ZNF585A: variants seen among roughly 807,000 people sequenced by gnomAD.
ZNF585A encodes the protein zinc finger protein 585A.
ZNF585A carries 9 observed loss-of-function variants against 14.9 expected under a neutral mutation model. The ratio of observed to expected loss-of-function variants is 0.60; its 90% confidence interval spans 0.36 to 1.05. The LOEUF is 1.05. Among genes scored for constraint, ZNF585A ranks in the 50% least tolerant of loss-of-function variants. ZNF585A has a pLI of 0.01. For missense variants in ZNF585A, 726 were observed against 926.4 expected, an observed-to-expected ratio of 0.78 and a Z score of 2.81; for synonymous variants, 276 against 319.9, an observed-to-expected ratio of 0.86 and a Z score of 1.46.
At chr19:37,160,772 T>C (rs1191447209) in intron 2 of ZNF585A, among the ~76,000 whole-genome samples, 6 of 152,200 alleles carry the variant, frequency 3.9e-5, no homozygotes, top group African/African-American at 9.7e-5. Flanking sequence ...AACCATCTTA[T>C]GACCATTAAA....
In ZNF585A at chr19:37,145,854, G is replaced by A. The variant is rs1192241296; in HGVS notation, c.*5735C>T. ...CAGAGGATTTCTTAGCATCAGAATT[G>A]ATATGTTGTTATTTATGATATCTTA... is the stretch of plus-strand genomic sequence containing the variant. On this transcript the variant is annotated 3_prime_UTR_variant, in exon 5 of 5. Coordinates refer to ENST00000292841, the MANE Select transcript of ZNF585A (RefSeq NM_001288800.2). 2 of 152,130 alleles carry A rather than the reference G, an allele frequency of 1.3e-5. No homozygotes were observed. Among genetic ancestry groups the A allele is most frequent in the African/African-American group, 4.8e-5 (2 of 41,428 alleles). The allele number at this position is 152,130 out of a possible 1,614,324, so 9.4% of individuals were successfully genotyped here.
intron 2 of ZNF585A, among the ~76,000 whole-genome samples, chr19:37,159,287 A>ACTG (rs977421460): frequency 6.6e-6 from 1 of 151,494 alleles, no homozygotes; most frequent in Non-Finnish European, 1.5e-5. Context: ...GTTGATGACG[A>ACTG]CTGAAACTGG....
intron 1 of ZNF585A, 122 bp from the exon 2 acceptor site, chr19:37,170,176 A>G: frequency 2.6e-6 from 1 of 379,586 alleles, no homozygotes; most frequent in Non-Finnish European, 4.8e-6. Flanking sequence ...ATGGGTATGC[A>G]TTCAAGTTAC....
chr19:37,163,857 C>T (rs986305490), intron 2 of ZNF585A, among the ~76,000 whole-genome samples: 4 of 151,628 alleles, frequency 2.6e-5, no homozygotes, highest in Admixed American at 1.3e-4. Context: ...TATAAAATAG[C>T]CACATCAGAA....
Position 37,152,573 on chromosome 19 carries a change from GTGAC to G in ZNF585A, c.1322_1325del (p.Gly441AlafsTer68). The stretch of plus-strand genomic sequence containing the variant: ...ACTTGGAGGTAAACAATTTCCCACA[GTGAC>G]CACATTTATGAGGTTTCTCTCCAGT... On this transcript the variant is annotated frameshift_variant, in exon 5 of 5. Coordinates refer to ENST00000292841, the MANE Select transcript of ZNF585A (RefSeq NM_001288800.2). LOFTEE classifies it low-confidence loss of function (END_TRUNC). 6.2e-7 allele frequency: 1 copy of G among 1,614,144 alleles called. No individual in the cohort carries two copies. Among genetic ancestry groups the G allele is most frequent in the Non-Finnish European group, 8.5e-7 (1 of 1,180,010 alleles).
chr19:37,160,059 A>G (rs1313251747), intron 2 of ZNF585A, among the ~76,000 whole-genome samples: 1 of 152,138 alleles, frequency 6.6e-6, no homozygotes, highest in Non-Finnish European at 1.5e-5. Flanking sequence ...GAGGCCAGAC[A>G]TGGTGGCTCA....
In ZNF585A at chr19:37,153,577, T is replaced by G. The variant is rs147104618; in HGVS notation, c.322A>C (p.Arg108=). The change falls in exon 5 of 5, where the codon AGA becomes CGA. Residue 108 remains arginine, a synonymous_variant. Transcript: ENST00000292841. ...GEKLWDHNQC[R]KILSYKQVSS... ...ACTTGTTTATAACTGAGGATTTTTC[T>G]ACATTGATTATGGTCCCATAATTTC... The G allele has an allele frequency of 1.6e-5, 26 of 1,613,316 alleles. No homozygotes were observed. In the Middle Eastern group the frequency reaches 8.3e-4, roughly 51 times the overall value.
chr19:37,149,754 G>T lies in ZNF585A; in HGVS notation c.*1835C>A. The T allele has an allele frequency of 6.6e-6, 1 of 152,360 alleles. No individual in the cohort carries two copies. Among genetic ancestry groups the T allele is most frequent in the Non-Finnish European group, 1.5e-5 (1 of 68,126 alleles). 9.4% of individuals were successfully genotyped at this position (152,360 alleles called of 1,614,324 possible). A position where few individuals can be genotyped will look rare whatever the true frequency, so the allele number is the denominator to read the frequency against. On this transcript the variant is annotated 3_prime_UTR_variant, in exon 5 of 5. Transcript: ENST00000292841. The stretch of plus-strand genomic sequence containing the variant: ...CAGGAAGCCCAGCTTGTGGTCTCCT[G>T]AGATCTCCAGATCATCCCTGGCCCA...
rs1367274055 is a variant in ZNF585A, at chr19:37,152,903, C to G, written c.996G>C (p.Gly332=). Residue 332 remains glycine (G), a synonymous_variant, in exon 5 of 5, where the codon GGG becomes GGC. Coordinates refer to ENST00000292841, the MANE Select transcript of ZNF585A (RefSeq NM_001288800.2). ...GGTTGGAATTATTGCTGAAGACCTT[C>G]CCATATTCGGTACATATATAGGGCT... ...RVKPYICTEY[G]KVFSNNSNLV... is the part of the protein sequence containing the mutation. The G allele has an allele frequency of 1.9e-6, 3 of 1,614,178 alleles. No homozygotes were observed. The highest frequency in any genetic ancestry group is 2.2e-5 in the East Asian group (1 of 44,874).
At chr19:37,161,497 C>T (rs1262083071) in intron 2 of ZNF585A, among the ~76,000 whole-genome samples, 2 of 152,120 alleles carry the variant, frequency 1.3e-5, no homozygotes, top group Admixed American at 1.3e-4. Context: ...TGTAGTTGAG[C>T]CTGAACAACA....
intron 4 of ZNF585A, among the ~76,000 whole-genome samples, chr19:37,154,805 A>AT (rs1971897749): frequency 1.3e-5 from 2 of 151,516 alleles, no homozygotes; most frequent in Admixed American, 6.6e-5. Flanking sequence ...AAAAAAAAAA[A>AT]AAGAAAGAAA....
intron 2 of ZNF585A, among the ~76,000 whole-genome samples, chr19:37,169,495 A>G (rs1295422268): frequency 1.3e-5 from 2 of 152,188 alleles, no homozygotes; most frequent in African/African-American, 4.8e-5. Flanking sequence ...GTTTAGGAAG[A>G]AACAAGAGAA....
intron 2 of ZNF585A, among the ~76,000 whole-genome samples, chr19:37,159,495 G>A (rs1332198746): frequency 1.3e-5 from 2 of 152,178 alleles, no homozygotes; most frequent in Non-Finnish European, 2.9e-5. Flanking sequence ...AAGTATGCTA[G>A]GGACTTGAAT....
intron 2 of ZNF585A, among the ~76,000 whole-genome samples, chr19:37,166,551 A>G (rs1972094005): frequency 6.6e-6 from 1 of 151,622 alleles, no homozygotes; most frequent in South Asian, 2.1e-4. Flanking sequence ...TGACCTCGTG[A>G]TCCACCCATC....
chr19:37,163,445 TA>T (rs367729509), intron 2 of ZNF585A, among the ~76,000 whole-genome samples: 127 of 117,164 alleles, frequency 1.1e-3, no homozygotes, highest in Non-Finnish European at 1.3e-3. Context: ...AGTAAAAAAG[TA>T]AAAAAAAAAA....
At chr19:37,162,491 T>C (rs1972026695) in intron 2 of ZNF585A, among the ~76,000 whole-genome samples, 1 of 152,184 alleles carries the variant, frequency 6.6e-6, no homozygotes, top group Non-Finnish European at 1.5e-5. Flanking sequence ...CCCAAAGGAA[T>C]ATAAATCATT....
intron 3 of ZNF585A, 97 bp downstream of exon 3, chr19:37,156,132 A>C: frequency 6.4e-7 from 1 of 1,566,998 alleles, no homozygotes; most frequent in South Asian, 1.2e-5. Flanking sequence ...CAAGAACAAA[A>C]TCATCACCTA....
At chr19:37,159,261 A>AAAG (rs1425940128) in intron 2 of ZNF585A, among the ~76,000 whole-genome samples, 2 of 151,788 alleles carry the variant, frequency 1.3e-5, no homozygotes, top group Non-Finnish European at 2.9e-5. Flanking sequence ...AAAAAAAAAA[A>AAAG]AAAAAAAGGC....
At chr19:37,156,460 C>T (rs1269117015) in intron 2 of ZNF585A, 105 bp from the exon 3 acceptor site, 2 of 1,397,776 alleles carry the variant, frequency 1.4e-6, no homozygotes, top group Non-Finnish European at 1.9e-6. Flanking sequence ...AATTTACATT[C>T]TCTTTTTAAA....
Sources: allele counts gnomAD v4.1 joint callset (sites outside exome capture counted in the v4.1 genomes callset), GRCh38; gene constraint gnomAD v4.1.1; transcripts MANE v1.5; gene names NCBI Gene and HGNC (gene_info 2026-07-23, HGNC 2026-07-21).